The following ATRNL1 variants were observed in gnomAD, a reference collection of about 807,000 sequenced individuals.
The protein encoded by ATRNL1 is attractin like 1, also known as attractin-like protein 1.
A neutral mutation model predicts 182.7 loss-of-function variants in ATRNL1; 95 were observed. The observed-to-expected ratio is 0.52, with a 90% confidence interval of 0.44 to 0.62. The LOEUF (loss-of-function observed/expected upper bound fraction) is 0.62, where lower values mean the gene tolerates loss of function less well. ATRNL1 is among the 20% of genes least tolerant of loss of function. ATRNL1 has a pLI of 0.00. For synonymous variants in ATRNL1, 576 were observed against 568.3 expected (o/e 1.01, Z -0.19); for missense variants, 1,471 against 1,679.5 (o/e 0.88, Z 2.17).
chr10:115,714,000 TC>T (rs1565311281), intron 26 of ATRNL1, among the ~76,000 whole-genome samples: 1 of 152,226 alleles, frequency 6.6e-6, no homozygotes, highest in Admixed American at 6.5e-5. Context: ...AGCCTTTTTT[TC>T]CATGTGATTA....
intron 28 of ATRNL1, among the ~76,000 whole-genome samples, chr10:115,944,213 G>A (rs1003682375): frequency 6.0e-5 from 9 of 148,914 alleles, no homozygotes; most frequent in Non-Finnish European, 1.3e-4. Flanking sequence ...TCTCAATATT[G>A]GTTCAATTTT....
intron 8 of ATRNL1, among the ~76,000 whole-genome samples, chr10:115,177,918 T>G (rs1276680192): frequency 0.013 from 1,617 of 119,962 alleles, 28 homozygotes; most frequent in African/African-American, 0.046. Context: ...TTTTGTTTTT[T>G]TTTTTGTTTT....
intron 20 of ATRNL1, among the ~76,000 whole-genome samples, chr10:115,401,577 C>T (rs887957651): frequency 6.6e-6 from 1 of 152,100 alleles, no homozygotes; most frequent in Non-Finnish European, 1.5e-5. Context: ...AATTCCCTAG[C>T]TTAAAATGTG....
At chr10:115,466,518 C>G (rs1848059782) in intron 22 of ATRNL1, among the ~76,000 whole-genome samples, 1 of 151,162 alleles carries the variant, frequency 6.6e-6, no homozygotes, top group Non-Finnish European at 1.5e-5. Context: ...AAAGAAATCT[C>G]TTAGTCATAT....
At chr10:115,758,655 C>T (rs1463936764) in intron 27 of ATRNL1, among the ~76,000 whole-genome samples, 1 of 152,240 alleles carries the variant, frequency 6.6e-6, no homozygotes, top group African/African-American at 2.4e-5. Flanking sequence ...AGCTCAAACA[C>T]TGTGCTGGGA....
intron 8 of ATRNL1, among the ~76,000 whole-genome samples, chr10:115,174,895 C>A (rs549221938): frequency 2.0e-4 from 30 of 151,790 alleles, no homozygotes; most frequent in Non-Finnish European, 3.7e-4. Context: ...AAAATTCATG[C>A]CCCAAAGTAG....
chr10:115,359,455 GT>G (rs1564951220), intron 19 of ATRNL1, among the ~76,000 whole-genome samples: 1 of 151,530 alleles, frequency 6.6e-6, no homozygotes, highest in Non-Finnish European at 1.5e-5. Context: ...GAGGCAAAAA[GT>G]AGCTTCCTGT....
At chr10:115,101,958 C>T (rs942374954) in intron 1 of ATRNL1, among the ~76,000 whole-genome samples, 32 of 151,970 alleles carry the variant, frequency 2.1e-4, no homozygotes, top group Admixed American at 1.6e-3. Flanking sequence ...TTTTTTTGGG[C>T]GTGTGAAAAT....
intron 25 of ATRNL1, among the ~76,000 whole-genome samples, chr10:115,531,896 C>T (rs1380719635): frequency 6.9e-6 from 1 of 145,264 alleles, no homozygotes; most frequent in East Asian, 2.0e-4. Flanking sequence ...ATCCTTTCCC[C>T]ATTGCTTGTT....
chr10:115,118,740 A>T (rs1844599563), intron 1 of ATRNL1, among the ~76,000 whole-genome samples: 2 of 152,300 alleles, frequency 1.3e-5, no homozygotes, highest in South Asian at 2.1e-4. Flanking sequence ...AATCTCTCAG[A>T]ACAAAAGCAT....
At chr10:115,278,326 C>G (rs1432004470) in intron 13 of ATRNL1, among the ~76,000 whole-genome samples, 2 of 152,116 alleles carry the variant, frequency 1.3e-5, no homozygotes, top group African/African-American at 4.8e-5. Context: ...AAACTTGGGA[C>G]AAAATAAATT....
intron 21 of ATRNL1, among the ~76,000 whole-genome samples, chr10:115,437,655 T>G (rs585354): frequency 6.6e-6 from 1 of 151,942 alleles, no homozygotes; most frequent in Non-Finnish European, 1.5e-5. Context: ...GTATCCTTTA[T>G]AGACTCCTCA....
At chr10:115,732,997 C>T (rs2804165) in intron 27 of ATRNL1, among the ~76,000 whole-genome samples, 43,170 of 151,964 alleles carry the variant, frequency 0.28, 7,588 homozygotes, top group African/African-American at 0.5. Context: ...ATCAAAGTGA[C>T]TTACTAAACT....
intron 26 of ATRNL1, among the ~76,000 whole-genome samples, chr10:115,711,384 C>T (rs1375221329): frequency 1.3e-5 from 2 of 152,172 alleles, no homozygotes; most frequent in Non-Finnish European, 2.9e-5. Context: ...GAGGCAGATT[C>T]ATCTGTAGAA....
intron 28 of ATRNL1, among the ~76,000 whole-genome samples, chr10:115,855,729 A>G (rs184235675): frequency 1.1e-4 from 17 of 152,342 alleles, no homozygotes; most frequent in African/African-American, 3.6e-4. Context: ...ATCAAGCTAC[A>G]TATCTCAGGG....
intron 24 of ATRNL1, among the ~76,000 whole-genome samples, chr10:115,492,073 A>G (rs1849326211): frequency 6.6e-6 from 1 of 151,870 alleles, no homozygotes; most frequent in Admixed American, 6.6e-5. Flanking sequence ...GGCTGTACCC[A>G]CTGCCCAACC....
At chr10:115,889,482 C>T (rs1404359063) in intron 28 of ATRNL1, among the ~76,000 whole-genome samples, 1 of 152,152 alleles carries the variant, frequency 6.6e-6, no homozygotes, top group Non-Finnish European at 1.5e-5. Flanking sequence ...GCATGCGCCA[C>T]CACGCACCAC....
At chr10:115,139,025 A>G (rs1240768145) in intron 5 of ATRNL1, among the ~76,000 whole-genome samples, 1 of 152,200 alleles carries the variant, frequency 6.6e-6, no homozygotes, top group Non-Finnish European at 1.5e-5. Flanking sequence ...ACAAATCTCT[A>G]GGGCAGGGGC....
At chr10:115,709,913 G>T (rs1555054057) in intron 26 of ATRNL1, among the ~76,000 whole-genome samples, 1 of 151,928 alleles carries the variant, frequency 6.6e-6, no homozygotes, top group East Asian at 1.9e-4. Flanking sequence ...ATTCTGAGTT[G>T]TTCTGTGATT....
Sources: allele counts gnomAD v4.1 joint callset (sites outside exome capture counted in the v4.1 genomes callset), GRCh38; gene constraint gnomAD v4.1.1; transcripts MANE v1.5; gene names NCBI Gene and HGNC (gene_info 2026-07-23, HGNC 2026-07-21).